Variants in CCDC138 observed in about 807,000 individuals in gnomAD.
CCDC138 encodes the protein coiled-coil domain containing 138.
Under a neutral mutation model 82.3 loss-of-function variants are expected in CCDC138, and 66 were observed. The ratio of observed to expected loss-of-function variants is 0.80; its 90% CI spans 0.66 to 0.98. CCDC138 has a LOEUF of 0.98. CCDC138 is among the 50% of genes least tolerant of loss of function. The pLI is 0.00. For missense variants in CCDC138, 816 were observed against 758.9 expected, an observed-to-expected ratio of 1.08 and a Z score of -0.88; for synonymous variants, 297 against 265.4, an observed-to-expected ratio of 1.12 and a Z score of -1.16.
chr2:108,853,855 T>TATA lies in CCDC138; in HGVS notation c.1517-2938_1517-2936dup, dbSNP rs576591919. Among the ~76,000 whole-genome samples the TATA allele has an allele frequency of 2.2e-3, 281 of 128,040 alleles. 2 individuals carry two copies. The highest frequency in any genetic ancestry group is 8.0e-3 in the African/African-American group (270 of 33,698). The allele number at this position is 128,040 out of a possible 152,430, so 84.0% of individuals were successfully genotyped here. ...TTCTATATGCAATATATATATACTA[T>TATA]ATATATAATATATATACTATATAAT... is the stretch of plus-strand genomic sequence containing the variant. On this transcript the variant is annotated intron_variant, in intron 12 of 14. Transcript: ENST00000295124.
intron 7 of CCDC138, among the ~76,000 whole-genome samples, chr2:108,806,903 C>T (rs1558646547): frequency 6.6e-6 from 1 of 152,104 alleles, no homozygotes; most frequent in Non-Finnish European, 1.5e-5. Context: ...AGTGAACACC[C>T]CAGGATCTCA....
chr2:108,861,871 C>T (rs1693676004), intron 13 of CCDC138, among the ~76,000 whole-genome samples: 1 of 152,096 alleles, frequency 6.6e-6, no homozygotes, highest in African/African-American at 2.4e-5. Flanking sequence ...TTACTGTATC[C>T]TACAGGTTTT....
chr2:108,789,115 G>T, intron 3 of CCDC138, 149 bp downstream of exon 3: 1 of 616,132 alleles, frequency 1.6e-6, no homozygotes, highest in Non-Finnish European at 2.7e-6. Context: ...AATAGTTGAA[G>T]CGAGTCACTT....
intron 13 of CCDC138, among the ~76,000 whole-genome samples, chr2:108,867,979 G>T (rs372174048): frequency 1.2e-4 from 19 of 152,284 alleles, no homozygotes; most frequent in African/African-American, 4.6e-4. Flanking sequence ...GATTAAAATA[G>T]CTCTTATCTG....
At chr2:108,844,518 A>C (rs2150564985) in intron 11 of CCDC138, among the ~76,000 whole-genome samples, 1 of 152,146 alleles carries the variant, frequency 6.6e-6, no homozygotes, top group African/African-American at 2.4e-5. Context: ...CAATTCTAAC[A>C]TTCTGTCCTG....
intron 13 of CCDC138, among the ~76,000 whole-genome samples, chr2:108,868,915 A>T (rs1574309418): frequency 6.6e-6 from 1 of 151,798 alleles, no homozygotes; most frequent in African/African-American, 2.4e-5. Flanking sequence ...GAAAAAAATG[A>T]AATTTTTTTC....
intron 12 of CCDC138, 27 bp downstream of exon 12, chr2:108,846,957 A>G: frequency 8.0e-7 from 1 of 1,246,766 alleles, no homozygotes; most frequent in Non-Finnish European, 1.2e-6. Context: ...ACTTATGGTT[A>G]ATTTTGAGAA....
chr2:108,858,176 T>C (rs1692944472), intron 13 of CCDC138, among the ~76,000 whole-genome samples: 1 of 152,178 alleles, frequency 6.6e-6, no homozygotes, highest in South Asian at 2.1e-4. Flanking sequence ...AAACCCCGTC[T>C]GTACTAAAAA....
At chr2:108,787,313 G>T (rs989384008) in intron 1 of CCDC138, among the ~76,000 whole-genome samples, 3 of 152,144 alleles carry the variant, frequency 2.0e-5, no homozygotes, top group South Asian at 2.1e-4. Flanking sequence ...ACCCTCACTT[G>T]CATTCACAAA....
intron 11 of CCDC138, among the ~76,000 whole-genome samples, chr2:108,842,101 C>G (rs1689589767): frequency 1.3e-5 from 2 of 152,100 alleles, no homozygotes; most frequent in Admixed American, 1.3e-4. Flanking sequence ...GATCATAGAT[C>G]ACTGCAGCCT....
intron 5 of CCDC138, among the ~76,000 whole-genome samples, chr2:108,797,246 C>T (rs921775608): frequency 1.3e-5 from 2 of 152,004 alleles, no homozygotes; most frequent in Non-Finnish European, 2.9e-5. Context: ...GAAGCAGAGC[C>T]TATAAAGGAG....
At chr2:108,854,550 C>T (rs529161873) in intron 12 of CCDC138, among the ~76,000 whole-genome samples, 3 of 152,250 alleles carry the variant, frequency 2.0e-5, no homozygotes, top group African/African-American at 7.2e-5. Flanking sequence ...TACCTGAGAT[C>T]AGAATTGAGG....
intron 13 of CCDC138, among the ~76,000 whole-genome samples, chr2:108,862,598 T>C (rs1442128203): frequency 6.6e-6 from 1 of 152,240 alleles, no homozygotes; most frequent in Non-Finnish European, 1.5e-5. Context: ...GGATATGTTA[T>C]TTGGTTTGAT....
At position 108,791,720 on chromosome 2, in the gene CCDC138, A is replaced by G; in HGVS notation, c.312A>G (p.Glu104=). The G allele has an allele frequency of 1.2e-6, 2 of 1,607,160 alleles. No homozygotes were observed. The highest frequency in any genetic ancestry group is 2.2e-5 in the South Asian group (2 of 89,954). ...LDSFHDLKKQ[E]TEEELIENDY... is the part of the protein sequence containing the mutation. ...CTTTCCATGATTTGAAGAAACAGGA[A>G]ACAGAAGAAGAGTTAATTGAAAATG... The change falls in exon 4 of 15, where the codon GAA becomes GAG. Residue 104 remains glutamate (E), a synonymous_variant. Coordinates refer to ENST00000295124, the MANE Select transcript of CCDC138 (RefSeq NM_144978.3).
chr2:108,859,568 T>C (rs1361464394), intron 13 of CCDC138, among the ~76,000 whole-genome samples: 1 of 152,102 alleles, frequency 6.6e-6, no homozygotes. Context: ...CTTGAGTTAA[T>C]TTTTGTATAT....
intron 13 of CCDC138, among the ~76,000 whole-genome samples, chr2:108,860,934 A>AGTTTTTTTTT (rs1204225298): frequency 1.8e-4 from 2 of 11,416 alleles, no homozygotes; most frequent in Non-Finnish European, 2.7e-4. Context: ...CTGGTCCAGG[A>AGTTTTTTTTT]CTTTTTTTTT....
chr2:108,862,936 T>C (rs11123715), intron 13 of CCDC138, among the ~76,000 whole-genome samples: 108,455 of 141,030 alleles, frequency 0.77, 41,766 homozygotes, highest in East Asian at 0.91. Flanking sequence ...AAATTCTGTG[T>C]TTCAATTTGG....
At chr2:108,813,188 G>T (rs8179656) in intron 9 of CCDC138, among the ~76,000 whole-genome samples, 2 of 145,400 alleles carry the variant, frequency 1.4e-5, no homozygotes. Context: ...GGCGGAGGTT[G>T]CAGTGAGCCG....
intron 6 of CCDC138, among the ~76,000 whole-genome samples, chr2:108,803,892 A>G (rs1350238510): frequency 1.3e-5 from 2 of 152,192 alleles, no homozygotes; most frequent in Non-Finnish European, 2.9e-5. Flanking sequence ...TTAGATATGG[A>G]AAAAGTTGGA....
Sources: allele counts gnomAD v4.1 joint callset (sites outside exome capture counted in the v4.1 genomes callset), GRCh38; gene constraint gnomAD v4.1.1; transcripts MANE v1.5; gene names NCBI Gene and HGNC (gene_info 2026-07-23, HGNC 2026-07-21).